ZNF385D: variants seen among roughly 807,000 people sequenced by gnomAD.
The protein encoded by ZNF385D is zinc finger protein 659.
ZNF385D carries 15 observed loss-of-function variants against 35.8 expected under a neutral mutation model. That is an observed-to-expected ratio of 0.42 (90% CI 0.28 to 0.64). ZNF385D has a LOEUF of 0.64. Ranked by LOEUF, ZNF385D falls within the 30% of genes least tolerant of loss-of-function variation. The pLI is 0.23. For synonymous variants in ZNF385D, 212 were observed against 186.8 expected (o/e 1.13, Z -1.10); for missense variants, 474 against 494.6 (o/e 0.96, Z 0.39).
At chr3:21,950,400 G>A (rs542073616) in intron 3 of ZNF385D, among the ~76,000 whole-genome samples, 4 of 151,440 alleles carry the variant, frequency 2.6e-5, no homozygotes, top group Non-Finnish European at 4.4e-5. Context: ...TTTGATGGAG[G>A]TGTTTTTTTC....
chr3:21,590,511 AATAAT>A (rs1241939045), intron 2 of ZNF385D, among the ~76,000 whole-genome samples: 1 of 152,122 alleles, frequency 6.6e-6, no homozygotes, highest in Non-Finnish European at 1.5e-5. Context: ...GAATTTATAG[AATAAT>A]ATAACTTTAT....
At chr3:21,999,327 AT>A (rs901636419) in intron 3 of ZNF385D, among the ~76,000 whole-genome samples, 1,813 of 147,586 alleles carry the variant, frequency 0.012, 33 homozygotes, top group African/African-American at 0.041. Flanking sequence ...CAAAACAAAA[AT>A]TTTTTTTTTT....
At chr3:22,047,836 A>G (rs950294434) in intron 3 of ZNF385D, among the ~76,000 whole-genome samples, 4 of 152,216 alleles carry the variant, frequency 2.6e-5, no homozygotes. Flanking sequence ...GTTTTCCATA[A>G]TGGCTGTACT....
intron 3 of ZNF385D, among the ~76,000 whole-genome samples, chr3:22,162,926 G>T (rs1649734661): frequency 6.6e-6 from 1 of 152,136 alleles, no homozygotes; most frequent in Non-Finnish European, 1.5e-5. Flanking sequence ...TTGTGTGCAA[G>T]TAGTGGGCTG....
chr3:21,727,873 AC>A (rs2068832613), intron 1 of ZNF385D, among the ~76,000 whole-genome samples: 1 of 152,234 alleles, frequency 6.6e-6, no homozygotes, highest in African/African-American at 2.4e-5. Context: ...ACATATGTTT[AC>A]TGTGGCACTA....
Position 22,308,178 on chromosome 3 carries a change from T to TTTTAAGTGCC in ZNF385D, c.106+64271_106+64272insGGCACTTAAA, listed in dbSNP as rs377051392. On this transcript the variant is annotated intron_variant, in intron 2 of 5. Transcript: ENST00000494108. The stretch of plus-strand genomic sequence containing the variant: ...TATTTAAAGCACAAAGACAATCTAC[T>TTTTAAGTGCC]AAAAATGCTGAAACAATTATTATGT... Among the ~76,000 whole-genome samples the TTTTAAGTGCC allele has an allele frequency of 2.5e-3, 376 of 152,230 alleles. 4 individuals are homozygous for TTTTAAGTGCC. The highest frequency in any genetic ancestry group is 9.0e-3 in the African/African-American group (372 of 41,556).
chr3:21,955,011 A>C (rs1702222674), intron 3 of ZNF385D, among the ~76,000 whole-genome samples: 1 of 152,188 alleles, frequency 6.6e-6, no homozygotes, highest in Admixed American at 6.5e-5. Flanking sequence ...TGGAATGCTT[A>C]AGACTGACTT....
chr3:21,448,188 T>C (rs1702258130), intron 4 of ZNF385D, among the ~76,000 whole-genome samples: 1 of 151,500 alleles, frequency 6.6e-6, no homozygotes, highest in Non-Finnish European at 1.5e-5. Context: ...AGAAAAGGAG[T>C]TTTCAGGGAG....
chr3:21,425,108 T>C, intron 6 of ZNF385D, among the ~76,000 whole-genome samples: 1 of 152,166 alleles, frequency 6.6e-6, no homozygotes. Context: ...CGTAAATATC[T>C]AAACAAATTA....
intron 2 of ZNF385D, among the ~76,000 whole-genome samples, chr3:22,300,786 T>C (rs1041767563): frequency 1.3e-5 from 2 of 151,944 alleles, no homozygotes; most frequent in South Asian, 2.1e-4. Flanking sequence ...AGACAAAAGA[T>C]AAAAGTTGGT....
At chr3:22,160,114 A>G (rs1473013724) in intron 3 of ZNF385D, among the ~76,000 whole-genome samples, 3 of 152,002 alleles carry the variant, frequency 2.0e-5, no homozygotes, top group Non-Finnish European at 4.4e-5. Flanking sequence ...GTTTTCCACC[A>G]TGATTGTAAG....
intron 3 of ZNF385D, among the ~76,000 whole-genome samples, chr3:21,902,538 T>A (rs1699463761): frequency 6.6e-6 from 1 of 152,152 alleles, no homozygotes; most frequent in Non-Finnish European, 1.5e-5. Context: ...TAGAATCAAG[T>A]AGCTTTCATT....
chr3:22,201,286 C>T (rs1324559598), intron 2 of ZNF385D, among the ~76,000 whole-genome samples: 4 of 151,986 alleles, frequency 2.6e-5, no homozygotes, highest in East Asian at 3.9e-4. Flanking sequence ...CCTGACATCC[C>T]GCAACACAAG....
chr3:21,929,128 T>C (rs1433906260), intron 3 of ZNF385D, among the ~76,000 whole-genome samples: 1 of 152,234 alleles, frequency 6.6e-6, no homozygotes, highest in South Asian at 2.1e-4. Flanking sequence ...TTATATATCA[T>C]AGCCAAATTG....
intron 1 of ZNF385D, among the ~76,000 whole-genome samples, chr3:21,686,217 T>G (rs1387053968): frequency 6.6e-6 from 1 of 152,240 alleles, no homozygotes; most frequent in Non-Finnish European, 1.5e-5. Flanking sequence ...ACTCAAATCG[T>G]AATGTTTCAT....
At chr3:21,481,118 C>G (rs111543941) in intron 4 of ZNF385D, among the ~76,000 whole-genome samples, 1,957 of 152,236 alleles carry the variant, frequency 0.013, 37 homozygotes, top group African/African-American at 0.043. Flanking sequence ...ACTGAGATCA[C>G]CTACAAGCAA....
intron 3 of ZNF385D, among the ~76,000 whole-genome samples, chr3:22,003,549 T>A (rs1230933485): frequency 6.6e-6 from 1 of 152,244 alleles, no homozygotes; most frequent in South Asian, 2.1e-4. Flanking sequence ...ATATCAATAA[T>A]GTTTTTTACA....
intron 2 of ZNF385D, among the ~76,000 whole-genome samples, chr3:22,243,541 A>G (rs1699606519): frequency 6.6e-6 from 1 of 151,026 alleles, no homozygotes; most frequent in Admixed American, 6.6e-5. Context: ...TGTGTTTTGA[A>G]AGTGGGGTAC....
intron 6 of ZNF385D, among the ~76,000 whole-genome samples, chr3:21,424,318 T>TATATATATATATA (rs375587956): frequency 2.4e-5 from 1 of 41,842 alleles, no homozygotes; most frequent in African/African-American, 1.0e-4. Context: ...TATATATATA[T>TATATATATATATA]TTTTTTTTTT....
Sources: allele counts gnomAD v4.1 joint callset (sites outside exome capture counted in the v4.1 genomes callset), GRCh38; gene constraint gnomAD v4.1.1; transcripts MANE v1.5; gene names NCBI Gene and HGNC (gene_info 2026-07-23, HGNC 2026-07-21).